The following TRPM2 variants were observed in gnomAD, a reference collection of about 807,000 sequenced individuals.
TRPM2 encodes estrogen-responsive element-associated gene 1 protein.
A neutral mutation model predicts 174.0 loss-of-function variants in TRPM2; 161 were observed. The observed-to-expected ratio is 0.93, with a 90% CI of 0.81 to 1.05. TRPM2 has a LOEUF of 1.05. TRPM2 is among the 50% of genes least tolerant of loss of function. The pLI, the probability that TRPM2 is intolerant of heterozygous loss-of-function variation, is 0.00. For synonymous variants in TRPM2, 954 were observed against 861.3 expected, an observed-to-expected ratio of 1.11 and a Z score of -1.88; for missense variants, 2,057 against 2,038.0, an observed-to-expected ratio of 1.01 and a Z score of -0.18.
At chr21:44,416,100 C>G (rs2050269211) in intron 20 of TRPM2, 1 of 152,198 alleles carries the variant, frequency 6.6e-6, no homozygotes, top group Admixed American at 6.5e-5. Flanking sequence ...TGTCATGGTC[C>G]ACAGAAAGCC....
Position 44,354,011 on chromosome 21 carries a change from C to T in TRPM2, c.165+146C>T, listed in dbSNP as rs1190281963. ...CTGCCCAACCATACCTTTGGGAGAA[C>T]AGAACTGGGGAGGGTGATGCGTGTC... On this transcript the variant is annotated intron_variant, in intron 1 of 31. Transcript: ENST00000397928. This position sits in a 1 kb window ranked among gnomAD's most constrained non-coding sequence, Gnocchi z 4.3. The T allele has an allele frequency of 2.1e-6, 2 of 966,596 alleles. No homozygotes were observed. Among genetic ancestry groups the T allele is most frequent in the Non-Finnish European group, 2.9e-6 (2 of 678,110 alleles). 59.9% of individuals were successfully genotyped at this position (966,596 alleles called of 1,614,324 possible). A position where few individuals can be genotyped will look rare whatever the true frequency, so the allele number is the denominator to read the frequency against.
intron 20 of TRPM2, 99 bp from the exon 21 acceptor site, chr21:44,417,828 C>T: frequency 7.7e-7 from 1 of 1,302,000 alleles, no homozygotes; most frequent in South Asian, 1.3e-5. Flanking sequence ...GGGCGTGGCT[C>T]TGCTCTCTGT....
chr21:44,407,794 C>T (rs570957374), intron 19 of TRPM2, among the ~76,000 whole-genome samples: 185 of 151,760 alleles, frequency 1.2e-3, no homozygotes, highest in African/African-American at 4.3e-3. Flanking sequence ...AAGAGGACCC[C>T]GCTGTGTGGA....
chr21:44,424,781 G>T, intron 23 of TRPM2, 71 bp from the exon 24 acceptor site: 2 of 1,004,118 alleles, frequency 2.0e-6, no homozygotes, highest in South Asian at 4.2e-5. Context: ...GTGAAGTCTC[G>T]GTGGGCAGTG....
At chr21:44,441,008 C>A (rs1013880579) in intron 31 of TRPM2, 103 bp downstream of exon 31, 66 of 981,622 alleles carry the variant, frequency 6.7e-5, no homozygotes, top group Admixed American at 2.3e-4. Flanking sequence ...TGGATTCTGG[C>A]AGGCTGAACT....
rs756088924 is a variant in TRPM2, at chr21:44,366,858, G to A, written c.528G>A (p.Gly176=). 7.4e-6 allele frequency: 12 copies of A among 1,613,548 alleles called. No homozygotes were observed. The highest frequency in any genetic ancestry group is 5.5e-5 in the South Asian group (5 of 91,052). The change falls in exon 4 of 32, where the codon GGG becomes GGA. Residue 176 remains glycine (G), a synonymous_variant. Coordinates refer to ENST00000397928, the MANE Select transcript of TRPM2 (RefSeq NM_003307.4). The surrounding 1 kb of genome is among the most constrained non-coding windows in gnomAD (Gnocchi z 6.0). ...VPNLLISVTG[G]AKNFNMKPRL... is the part of the protein sequence containing the mutation. The stretch of plus-strand genomic sequence containing the variant: ...ATCTCTTGATCTCGGTGACCGGGGG[G>A]GCCAAGAACTTCAACATGAAGCCGC...
chr21:44,397,634 G>A, intron 12 of TRPM2, 113 bp from the exon 13 acceptor site: 1 of 1,204,552 alleles, frequency 8.3e-7, no homozygotes, highest in Non-Finnish European at 1.1e-6. Context: ...TGATTGCCCA[G>A]TGGCCCGCAC....
chr21:44,385,521 C>A (rs1340053278), intron 9 of TRPM2, among the ~76,000 whole-genome samples: 1 of 152,180 alleles, frequency 6.6e-6, no homozygotes, highest in Non-Finnish European at 1.5e-5. Flanking sequence ...TTCAACATTG[C>A]GTTGGAAGTT....
At chr21:44,426,987 C>T (rs2050815074) in intron 26 of TRPM2, 23 bp from the exon 27 acceptor site, 1 of 1,566,006 alleles carries the variant, frequency 6.4e-7, no homozygotes, top group East Asian at 2.3e-5. Flanking sequence ...GGCACACAGA[C>T]ACGCCTTCTC....
rs114787359 is a variant in TRPM2, at chr21:44,404,643, G to A, written c.2539-499G>A. 4.5e-3 allele frequency among the ~76,000 whole-genome samples: 688 copies of A among 152,240 alleles called. 5 individuals carry two copies. Among genetic ancestry groups the A allele is most frequent in the African/African-American group, 0.016 (649 of 41,544 alleles). ...TGATAGTGATGATAGTGACAGTGAT[G>A]ATAGTGACGGTGATAGTGATGATAG... On this transcript the variant is annotated intron_variant, in intron 16 of 31. Coordinates refer to ENST00000397928, the MANE Select transcript of TRPM2 (RefSeq NM_003307.4).
chr21:44,414,103 G>A (rs763016504), intron 20 of TRPM2, 29 bp downstream of exon 20: 13 of 1,593,366 alleles, frequency 8.2e-6, no homozygotes, highest in Non-Finnish European at 1.7e-6. Flanking sequence ...CTGGCGTGCA[G>A]GTGGGTGGGT....
rs1348429445 is a variant in TRPM2, at chr21:44,438,837, G to A, written c.4168-230G>A. The stretch of plus-strand genomic sequence containing the variant: ...GGGCTGTCCCTGCTCCTCAGAGGTT[G>A]TGTCTGCAGCCCAGTGCCCCCTGCT... On this transcript the variant is annotated intron_variant, in intron 29 of 31. Coordinates refer to ENST00000397928, the MANE Select transcript of TRPM2 (RefSeq NM_003307.4). The surrounding 1 kb of genome is among the most constrained non-coding windows in gnomAD (Gnocchi z 5.9). 6.6e-6 allele frequency among the ~76,000 whole-genome samples: 1 copy of A among 152,194 alleles called. No homozygotes were observed. The highest frequency in any genetic ancestry group is 2.4e-5 in the African/African-American group (1 of 41,450).
At chr21:44,436,276 C>T (rs1001041806) in intron 28 of TRPM2, among the ~76,000 whole-genome samples, 1 of 152,168 alleles carries the variant, frequency 6.6e-6, no homozygotes, top group African/African-American at 2.4e-5. Context: ...GGCCCAGGCC[C>T]AGCTGCTGTG....
intron 19 of TRPM2, among the ~76,000 whole-genome samples, chr21:44,407,448 A>C (rs1483402003): frequency 9.0e-6 from 1 of 110,918 alleles, no homozygotes; most frequent in Admixed American, 1.1e-4. Context: ...TTCATATAGA[A>C]GGTTTTTTTT....
intron 12 of TRPM2, among the ~76,000 whole-genome samples, chr21:44,396,924 G>T (rs1416033625): frequency 1.4e-5 from 2 of 143,688 alleles, no homozygotes; most frequent in Admixed American, 7.0e-5. Flanking sequence ...GTGGAGGGGT[G>T]TGGGGGGTTG....
rs376205676 is a variant in TRPM2 at position 44,406,596 on chromosome 21, G to T, written c.2793G>T (p.Met931Ile). 8.7e-6 allele frequency: 14 copies of T among 1,608,598 alleles called. No homozygotes were observed. In the African/African-American group the frequency reaches 1.5e-4, roughly 17 times the overall value. The part of the protein sequence containing the change: ...GPKIIIVKRM[M>I]KDVFFFLFLL... ...CCCACACACTCTCTGTCCTGCAGATGAAGGACGTCTTCTTCTTCCTCTTCC... is the reference window on the plus strand; with the variant it reads ...CCCACACACTCTCTGTCCTGCAGATTAAGGACGTCTTCTTCTTCCTCTTCC... The change falls in exon 19 of 32, where the codon ATG (methionine) becomes ATT (isoleucine). Residue 931 changes from methionine to isoleucine, a missense_variant and splice_region_variant. Met to Ile is a conservative substitution (Grantham distance 10, BLOSUM62 1). Coordinates refer to ENST00000397928, the MANE Select transcript of TRPM2 (RefSeq NM_003307.4).
chr21:44,429,333 G>C (rs529467407), intron 27 of TRPM2, among the ~76,000 whole-genome samples: 42 of 124,800 alleles, frequency 3.4e-4, no homozygotes, highest in African/African-American at 1.3e-3. Context: ...TGTTGCCCAG[G>C]CTGGAGTGCA....
chr21:44,389,014 C>A (rs886959834), intron 9 of TRPM2, among the ~76,000 whole-genome samples: 2 of 152,164 alleles, frequency 1.3e-5, no homozygotes, highest in African/African-American at 2.4e-5. Context: ...CACCGTGACC[C>A]ACCACAGTCT....
chr21:44,414,041 T>A lies in TRPM2; in HGVS notation c.3113T>A (p.Ile1038Asn), dbSNP rs752126565. 2.4e-5 allele frequency: 38 copies of A among 1,605,956 alleles called. No homozygotes were observed. The South Asian group carries it at 4.1e-4, about 17-fold the overall frequency. The change falls in exon 20 of 32, where the codon ATC becomes AAC. Residue 1038 changes from isoleucine to asparagine, a missense_variant. By Grantham distance (149) the Ile-to-Asn change is moderately radical. Transcript: ENST00000397928. ...LLCLYLLFTN[I>N]LLLNLLIAMF... ...TGCCTCTACCTGCTCTTCACCAACA[T>A]CCTGCTGCTCAACCTCCTCATCGCC...
Sources: gnomAD v4.1 joint callset for allele counts (sites outside exome capture counted in the v4.1 genomes callset) on GRCh38, gnomAD v4.1.1 for gene constraint, Gnocchi (gnomAD v3.1) non-coding constraint, MANE v1.5 for transcripts, NCBI Gene and HGNC (gene_info 2026-07-23, HGNC 2026-07-21) for gene names.